Variants in AKR1B1 observed in about 807,000 individuals in gnomAD.
The protein encoded by AKR1B1 is aldo-keto reductase family 1 member B1.
A neutral mutation model predicts 40.4 loss-of-function variants in AKR1B1; 22 were observed. That is an observed-to-expected ratio of 0.54 (90% confidence interval 0.39 to 0.78). The LOEUF (loss-of-function observed/expected upper bound fraction) is 0.78. Ranked by LOEUF, AKR1B1 falls within the 30% of genes least tolerant of loss-of-function variation. AKR1B1 has a pLI of 0.00. For missense variants in AKR1B1, 357 were observed against 396.7 expected (o/e 0.90, Z 0.85); for synonymous variants, 157 against 149.9 (o/e 1.05, Z -0.35).
Position 134,442,566 on chromosome 7 carries a change from G to A in AKR1B1, c.*162C>T. The A allele has an allele frequency of 1.6e-6, 1 of 639,482 alleles. No individual in the cohort carries two copies. The highest frequency in any genetic ancestry group is 2.8e-6 in the Non-Finnish European group (1 of 357,116). The allele number at this position is 639,482 out of a possible 1,614,324, so 39.6% of individuals were successfully genotyped here. A position where few individuals can be genotyped will look rare whatever the true frequency, so the allele number is the denominator to read the frequency against. On this transcript the variant is annotated 3_prime_UTR_variant, in exon 10 of 10. Transcript: ENST00000285930. ...GAAGAGACTTCTACTCTACTGACAG[G>A]GCTCTTGAGATCCAACATCAAGCTA...
At chr7:134,448,310 T>G in intron 6 of AKR1B1, 77 bp downstream of exon 6, 21 of 1,340,480 alleles carry the variant, frequency 1.6e-5, no homozygotes, top group Non-Finnish European at 2.0e-5. Context: ...ACATCTTCCT[T>G]GAGGCTGAAT....
intron 2 of AKR1B1, 82 bp downstream of exon 2, chr7:134,451,504 T>C: frequency 2.0e-6 from 3 of 1,513,864 alleles, no homozygotes; most frequent in Non-Finnish European, 2.8e-6. Flanking sequence ...GTAGCTGTAT[T>C]GAGTGTGGAC....
intron 4 of AKR1B1, 26 bp from the exon 5 acceptor site, chr7:134,449,145 G>A (rs371927495): frequency 5.2e-5 from 84 of 1,612,218 alleles, no homozygotes; most frequent in Admixed American, 1.7e-4. Flanking sequence ...TCTGTGTGGT[G>A]CAGAAACGAA....
Position 134,445,336 on chromosome 7 carries a change from A to T in AKR1B1, c.826-16T>A. 1 of 1,604,594 alleles carries T rather than the reference A, an allele frequency of 6.2e-7. No individual in the cohort carries two copies. The highest frequency in any genetic ancestry group is 8.5e-7 in the Non-Finnish European group (1 of 1,173,892). On this transcript the variant is annotated splice_polypyrimidine_tract_variant and intron_variant, in intron 8 of 9. Transcript: ENST00000285930. The stretch of plus-strand genomic sequence containing the variant: ...AGTCAAAGACCTAAAAAACAAACAA[A>T]AAAATCCAGTAAGCTCTGCAAATAA...
chr7:134,447,448 TCA>T (rs1806139788), intron 7 of AKR1B1, 67 bp from the exon 8 acceptor site: 3 of 1,347,748 alleles, frequency 2.2e-6, no homozygotes, highest in Non-Finnish European at 3.2e-6. Context: ...TCTCAGTCTC[TCA>T]CACACACAAC....
chr7:134,447,883 G>T, intron 7 of AKR1B1, 97 bp downstream of exon 7: 1 of 1,053,924 alleles, frequency 9.5e-7, no homozygotes, highest in Admixed American at 2.0e-5. Flanking sequence ...CTTCCTGTGA[G>T]GGTGTAACAG....
intron 3 of AKR1B1, among the ~76,000 whole-genome samples, chr7:134,450,458 T>G (rs1806248782): frequency 6.6e-6 from 1 of 152,194 alleles, no homozygotes; most frequent in African/African-American, 2.4e-5. Context: ...TGACCGTGCC[T>G]CATGGCTGTG....
intron 1 of AKR1B1, among the ~76,000 whole-genome samples, chr7:134,452,513 C>A (rs1289196164): frequency 6.6e-6 from 1 of 152,172 alleles, no homozygotes. Context: ...AGCCACCTGA[C>A]CATCTGAGTA....
chr7:134,449,334 C>G (rs1806208453), intron 4 of AKR1B1: 2 of 637,356 alleles, frequency 3.1e-6, no homozygotes, highest in East Asian at 2.9e-5. Context: ...CGCCTGTAAT[C>G]CCAGCACTTT....
At chr7:134,455,403 T>C (rs1443930405) in intron 1 of AKR1B1, among the ~76,000 whole-genome samples, 1 of 152,214 alleles carries the variant, frequency 6.6e-6, no homozygotes, top group African/African-American at 2.4e-5. Flanking sequence ...AACATAGTTG[T>C]ACCTTCAGCC....
chr7:134,456,858 CT>C (rs1806486790), intron 1 of AKR1B1, among the ~76,000 whole-genome samples: 1 of 152,172 alleles, frequency 6.6e-6, no homozygotes, highest in Non-Finnish European at 1.5e-5. Context: ...GTGATGTTAT[CT>C]TAAACAAATA....
Position 134,442,602 on chromosome 7 carries a change from C to T in AKR1B1, c.*126G>A, listed in dbSNP as rs1257103139. 2.0e-5 allele frequency: 17 copies of T among 843,174 alleles called. No individual in the cohort carries two copies. Among genetic ancestry groups the T allele is most frequent in the South Asian group, 3.1e-5 (2 of 64,596 alleles). The allele number at this position is 843,174 out of a possible 1,614,324, so 52.2% of individuals were successfully genotyped here. A position where few individuals can be genotyped will look rare whatever the true frequency, so the allele number is the denominator to read the frequency against. On this transcript the variant is annotated 3_prime_UTR_variant, in exon 10 of 10. Coordinates refer to ENST00000285930, the MANE Select transcript of AKR1B1 (RefSeq NM_001628.4). ...TCCAACATCAAGCTAGACACGCCCTCGCTGGCCACTCTACAGGTTGCTGTC... is the reference window on the plus strand; with the variant it reads ...TCCAACATCAAGCTAGACACGCCCTTGCTGGCCACTCTACAGGTTGCTGTC...
chr7:134,449,325 G>GC (rs1396373350), intron 4 of AKR1B1: 7 of 670,832 alleles, frequency 1.0e-5, no homozygotes, highest in Admixed American at 2.3e-5. Context: ...GGTGGCTCAC[G>GC]CCTGTAATCC....
At chr7:134,447,723 G>C (rs10808275) in intron 7 of AKR1B1, 439,546 of 618,864 alleles carry the variant, frequency 0.71, 157,729 homozygotes, top group East Asian at 0.92. Context: ...TACAGATGAG[G>C]TTCCACATGA....
rs532319035 is a variant in AKR1B1 at position 134,449,688 on chromosome 7, C to T, written c.429+32G>A. On this transcript the variant is annotated intron_variant, in intron 4 of 9. Coordinates refer to ENST00000285930, the MANE Select transcript of AKR1B1 (RefSeq NM_001628.4). The stretch of plus-strand genomic sequence containing the variant: ...TCTAAGAAGAAGAGGGAACCAGTCA[C>T]GAAAACAAGGTCCAACCAGGGGCTG... The T allele has an allele frequency of 3.5e-5, 55 of 1,582,548 alleles. No individual in the cohort carries two copies. The East Asian group carries it at 3.8e-4, about 11-fold the overall frequency.
intron 1 of AKR1B1, among the ~76,000 whole-genome samples, chr7:134,453,586 A>C (rs1806359066): frequency 6.6e-6 from 1 of 152,154 alleles, no homozygotes; most frequent in African/African-American, 2.4e-5. Flanking sequence ...CTTTGGAACC[A>C]AAAGAGCACA....
At chr7:134,445,924 T>C (rs1806079183) in intron 8 of AKR1B1, among the ~76,000 whole-genome samples, 1 of 152,090 alleles carries the variant, frequency 6.6e-6, no homozygotes, top group African/African-American at 2.4e-5. Flanking sequence ...GCATGGAGGC[T>C]GGGAGGGAGG....
chr7:134,445,109 A>C, intron 9 of AKR1B1, 129 bp downstream of exon 9: 1 of 836,146 alleles, frequency 1.2e-6, no homozygotes, highest in Non-Finnish European at 2.0e-6. Context: ...TGAGAAAGCA[A>C]GGTAATGTGC....
intron 1 of AKR1B1, among the ~76,000 whole-genome samples, chr7:134,458,368 G>A (rs1370582908): frequency 6.6e-6 from 1 of 152,084 alleles, no homozygotes; most frequent in Non-Finnish European, 1.5e-5. Flanking sequence ...GCACCCCGAG[G>A]CGGCGCCTGG....
Sources: allele counts gnomAD v4.1 joint callset (sites outside exome capture counted in the v4.1 genomes callset), GRCh38; gene constraint gnomAD v4.1.1; transcripts MANE v1.5; gene names NCBI Gene and HGNC (gene_info 2026-07-23, HGNC 2026-07-21).